Variants in GLB1L2 observed in about 807,000 individuals in gnomAD.
GLB1L2 encodes the protein beta-galactosidase-1-like protein 2.
Under a neutral mutation model 84.1 loss-of-function variants are expected in GLB1L2, and 68 were observed. The ratio of observed to expected loss-of-function variants is 0.81; its 90% CI spans 0.67 to 0.99. GLB1L2 has a LOEUF of 0.99. Ranked by LOEUF, GLB1L2 falls within the 50% of genes least tolerant of loss-of-function variation. GLB1L2 has a pLI of 0.00. For synonymous variants in GLB1L2, 290 were observed against 318.0 expected, an observed-to-expected ratio of 0.91 and a Z score of 0.94; for missense variants, 762 against 805.6, an observed-to-expected ratio of 0.95 and a Z score of 0.66.
rs1943930158 is a variant in GLB1L2, at chr11:134,370,249, G to A, written c.1109-44G>A. 3 of 1,534,226 alleles carry A rather than the reference G, an allele frequency of 2.0e-6. No homozygotes were observed. The highest frequency in any genetic ancestry group is 1.7e-5 in the Admixed American group (1 of 59,880). On this transcript the variant is annotated intron_variant, in intron 11 of 18. Coordinates refer to ENST00000535456, the MANE Select transcript of GLB1L2 (RefSeq NM_001370461.1). This position sits in a 1 kb window ranked among gnomAD's most constrained non-coding sequence, Gnocchi z 4.7. Reference sequence around the variant, plus strand: ...CGGGTGGGGAGGACGAGCAGGCAGTGACATTTGGGTCCGTTGGGGGTGACC... The same window carrying A: ...CGGGTGGGGAGGACGAGCAGGCAGTAACATTTGGGTCCGTTGGGGGTGACC...
Position 134,370,483 on chromosome 11 carries a change from C to A in GLB1L2, c.1215+84C>A. 1 of 1,083,814 alleles carries A rather than the reference C, an allele frequency of 9.2e-7. No homozygotes were observed. The highest frequency in any genetic ancestry group is 1.3e-5 in the South Asian group (1 of 78,658). The allele number at this position is 1,083,814 out of a possible 1,614,324, so 67.1% of individuals were successfully genotyped here. ...GGAGGTGAGTGCTGGGGGCAGTCGT[C>A]GGCGGGAGGTGAGAGTCGTCGGGGC... On this transcript the variant is annotated intron_variant, in intron 12 of 18. Coordinates refer to ENST00000535456, the MANE Select transcript of GLB1L2 (RefSeq NM_001370461.1). This position sits in a 1 kb window ranked among gnomAD's most constrained non-coding sequence, Gnocchi z 4.7.
intron 5 of GLB1L2, among the ~76,000 whole-genome samples, chr11:134,347,778 G>A (rs566512202): frequency 2.2e-4 from 34 of 152,302 alleles, no homozygotes; most frequent in African/African-American, 4.3e-4. Context: ...GGTGATAGCC[G>A]GGAACACCCA....
Position 134,343,096 on chromosome 11 carries a change from G to A in GLB1L2, c.284+145G>A, listed in dbSNP as rs113246494. The A allele has an allele frequency of 1.4e-3, 1,072 of 788,938 alleles. 8 individuals carry two copies. The African/African-American group carries it at 0.017, about 12-fold the overall frequency. The allele number at this position is 788,938 out of a possible 1,614,324, so 48.9% of individuals were successfully genotyped here. Reference sequence around the variant, plus strand: ...TCTCCCTCCTCCTCCCCACCACAGAGCTCCTGACTCATGGGCGCCAAGGGA... The same window carrying A: ...TCTCCCTCCTCCTCCCCACCACAGAACTCCTGACTCATGGGCGCCAAGGGA... On this transcript the variant is annotated intron_variant, in intron 2 of 18. Transcript: ENST00000535456.
intron 5 of GLB1L2, among the ~76,000 whole-genome samples, chr11:134,353,478 T>C (rs571413190): frequency 2.0e-5 from 3 of 152,268 alleles, no homozygotes; most frequent in Non-Finnish European, 2.9e-5. Context: ...CTGGAGAGTG[T>C]TTTATGTGCC....
rs767754194 is a variant in GLB1L2, at chr11:134,368,827, C to T, written c.1027+46C>T. On this transcript the variant is annotated intron_variant, in intron 10 of 18. Transcript: ENST00000535456. Reference sequence around the variant, plus strand: ...CTCTCCCTGGTCTGCCCTGCATGGGCATGGCTGGGACTTGCTATGGAGAGG... The same window carrying T: ...CTCTCCCTGGTCTGCCCTGCATGGGTATGGCTGGGACTTGCTATGGAGAGG... 1.9e-6 allele frequency: 3 copies of T among 1,604,912 alleles called. No homozygotes were observed. The Admixed American group carries it at 5.0e-5, about 27-fold the overall frequency.
chr11:134,361,811 A>C (rs1013523338), intron 7 of GLB1L2, among the ~76,000 whole-genome samples: 2 of 151,986 alleles, frequency 1.3e-5, no homozygotes, highest in Non-Finnish European at 2.9e-5. Flanking sequence ...GAGTTCCAGG[A>C]AACAGGATGT....
In GLB1L2 at chr11:134,356,381, C is replaced by T. The variant is rs570291242; in HGVS notation, c.639C>T (p.Pro213=). Residue 213 remains proline (P), a synonymous_variant, in exon 6 of 19, where the codon CCC becomes CCT. Coordinates refer to ENST00000535456, the MANE Select transcript of GLB1L2 (RefSeq NM_001370461.1). ...GSYNKDPAYM[P]YVKKALEDRG... ...ATAATAAAGACCCCGCATACATGCC[C>T]TACGTCAAGAAGGTAAGAATCCTCT... is the stretch of plus-strand genomic sequence containing the variant. 6.2e-7 allele frequency: 1 copy of T among 1,612,092 alleles called. No individual in the cohort carries two copies. The highest frequency in any genetic ancestry group is 1.3e-5 in the African/African-American group (1 of 74,958).
Position 134,374,971 on chromosome 11 carries a change from G to A in GLB1L2, c.1825-1G>A. 1 of 1,612,808 alleles carries A rather than the reference G, an allele frequency of 6.2e-7. No homozygotes were observed. The highest frequency in any genetic ancestry group is 2.2e-5 in the East Asian group (1 of 44,808). ...CTCCCAGCCGGGCCCTCTCTCCACAGGTCATCGTTTTTGAGGAGACGATGG... is the reference window on the plus strand; with the variant it reads ...CTCCCAGCCGGGCCCTCTCTCCACAAGTCATCGTTTTTGAGGAGACGATGG... On this transcript the variant is annotated splice_acceptor_variant, in intron 18 of 18. Transcript: ENST00000535456. LOFTEE classifies it high-confidence loss of function.
At chr11:134,337,072 T>C (rs1351994946) in intron 1 of GLB1L2, among the ~76,000 whole-genome samples, 2 of 152,248 alleles carry the variant, frequency 1.3e-5, no homozygotes, top group African/African-American at 4.8e-5. Flanking sequence ...TAGTAAACTC[T>C]TCTTCATGTA....
Position 134,370,711 on chromosome 11 carries a change from AGT to A in GLB1L2, c.1216-295_1216-294del, listed in dbSNP as rs1565442942. Among the ~76,000 whole-genome samples the A allele has an allele frequency of 6.6e-6, 1 of 151,890 alleles. No homozygotes were observed. The highest frequency in any genetic ancestry group is 1.5e-5 in the Non-Finnish European group (1 of 67,952). ...TCCTTCCTCCAGCCTCAGAGAGGAG[AGT>A]GAGGGGCAGAGGAACAGGCCGTCCC... is the stretch of plus-strand genomic sequence containing the variant. On this transcript the variant is annotated intron_variant, in intron 12 of 18. Coordinates refer to ENST00000535456, the MANE Select transcript of GLB1L2 (RefSeq NM_001370461.1). This position sits in a 1 kb window ranked among gnomAD's most constrained non-coding sequence, Gnocchi z 4.7.
chr11:134,345,957 A>G (rs1943547669), intron 4 of GLB1L2, among the ~76,000 whole-genome samples: 1 of 152,146 alleles, frequency 6.6e-6, no homozygotes, highest in African/African-American at 2.4e-5. Flanking sequence ...CTGGACAGGA[A>G]TCAGCTGGGA....
In GLB1L2 at chr11:134,334,336, C is replaced by CT. The variant is rs558844077; in HGVS notation, c.86+2197dup. 4.1e-4 allele frequency among the ~76,000 whole-genome samples: 63 copies of CT among 152,108 alleles called. 1 individual carries two copies. Among genetic ancestry groups the CT allele is most frequent in the Admixed American group, 1.3e-3 (20 of 15,278 alleles). On this transcript the variant is annotated intron_variant, in intron 1 of 18. Transcript: ENST00000535456. The surrounding 1 kb of genome is among the most constrained non-coding windows in gnomAD (Gnocchi z 4.1). ...TGGGGGATGTTTGGCTATAGCTTTT[C>CT]TTTTTTTTCATCAACTTTTCCTTGG...
At position 134,333,094 on chromosome 11, in the gene GLB1L2, T is replaced by C. The variant is rs75325314; in HGVS notation, c.86+947T>C. ...GCACTTCCCCTGGGAGACAGGGAAG[T>C]TTTTGATGGAGATAAATATCTGGAA... On this transcript the variant is annotated intron_variant, in intron 1 of 18. Coordinates refer to ENST00000535456, the MANE Select transcript of GLB1L2 (RefSeq NM_001370461.1). 6.4e-4 allele frequency among the ~76,000 whole-genome samples: 97 copies of C among 152,190 alleles called. 2 individuals carry two copies. The East Asian group carries it at 0.018, about 28-fold the overall frequency.
intron 5 of GLB1L2, chr11:134,355,910 C>T (rs1041838492): frequency 9.4e-6 from 4 of 426,040 alleles, no homozygotes; most frequent in Non-Finnish European, 1.8e-5. Flanking sequence ...TTTGCTTCTT[C>T]CCCATGAGGG....
At chr11:134,374,833 G>C in intron 18 of GLB1L2, 115 bp downstream of exon 18, 3 of 1,152,046 alleles carry the variant, frequency 2.6e-6, no homozygotes, top group Non-Finnish European at 3.9e-6. Flanking sequence ...CCTCCTCCTC[G>C]CTGCAGACGA....
At chr11:134,341,196 T>G (rs755286832) in intron 1 of GLB1L2, among the ~76,000 whole-genome samples, 4 of 152,236 alleles carry the variant, frequency 2.6e-5, no homozygotes, top group Non-Finnish European at 4.4e-5. Context: ...CATAACTCTC[T>G]AATACGCAAA....
At position 134,371,824 on chromosome 11, in the gene GLB1L2, C is replaced by A. The variant is rs756084244; in HGVS notation, c.1501C>A (p.Arg501Ser). Residue 501 changes from arginine to serine, a missense_variant, in exon 15 of 19, where the codon CGC becomes AGC. By Grantham distance (110) the Arg-to-Ser change is moderately radical. This residue lies in a region of GLB1L2 where 603 missense variants were observed against 611.7 expected (regional missense o/e 0.99). Coordinates refer to ENST00000535456, the MANE Select transcript of GLB1L2 (RefSeq NM_001370461.1). ...VNYGENIDDQ[R>S]KGLIGNLYLN... ...CTATGGGGAGAATATTGATGACCAG[C>A]GCAAAGGTGGGTCCCAGAATGTGTC... The A allele has an allele frequency of 1.2e-6, 2 of 1,613,930 alleles. No homozygotes were observed. The highest frequency in any genetic ancestry group is 2.2e-5 in the South Asian group (2 of 91,062).
chr11:134,350,793 C>T (rs1278399108), intron 5 of GLB1L2, among the ~76,000 whole-genome samples: 1 of 152,128 alleles, frequency 6.6e-6, no homozygotes, highest in African/African-American at 2.4e-5. Context: ...AAATGTATTC[C>T]CAAGTATTTT....
Position 134,334,316 on chromosome 11 carries a change from G to A in GLB1L2, c.86+2169G>A, listed in dbSNP as rs1943348897. ...GGACAGTGGCTGGCATGGGCTGGGG[G>A]ATGTTTGGCTATAGCTTTTCTTTTT... On this transcript the variant is annotated intron_variant, in intron 1 of 18. Coordinates refer to ENST00000535456, the MANE Select transcript of GLB1L2 (RefSeq NM_001370461.1). The surrounding 1 kb of genome is among the most constrained non-coding windows in gnomAD (Gnocchi z 4.1). Among the ~76,000 whole-genome samples the A allele has an allele frequency of 6.6e-6, 1 of 152,136 alleles. No individual in the cohort carries two copies. Among genetic ancestry groups the A allele is most frequent in the South Asian group, 2.1e-4 (1 of 4,818 alleles).
Sources: allele counts gnomAD v4.1 joint callset (sites outside exome capture counted in the v4.1 genomes callset), GRCh38; gene constraint gnomAD v4.1.1; regional missense constraint gnomAD v4.1.1; non-coding constraint Gnocchi (gnomAD v3.1); transcripts MANE v1.5; gene names NCBI Gene and HGNC (gene_info 2026-07-23, HGNC 2026-07-21).